The following LDLRAD4 variants were observed in gnomAD, a reference collection of about 807,000 sequenced individuals.
The protein encoded by LDLRAD4 is low-density lipoprotein receptor class A domain-containing protein 4.
A neutral mutation model predicts 17.0 loss-of-function variants in LDLRAD4; 5 were observed. The observed-to-expected ratio is 0.29, with a 90% CI of 0.15 to 0.62. The LOEUF is 0.62. Ranked by LOEUF, LDLRAD4 falls within the 20% of genes least tolerant of loss-of-function variation. The pLI is 0.84. For missense variants in LDLRAD4, 340 were observed against 424.7 expected (o/e 0.80, Z 1.75); for synonymous variants, 168 against 171.8 (o/e 0.98, Z 0.17).
intron 1 of LDLRAD4, among the ~76,000 whole-genome samples, chr18:13,242,599 A>G (rs1040014738): frequency 9.9e-5 from 15 of 152,170 alleles, no homozygotes; most frequent in African/African-American, 3.6e-4. Flanking sequence ...ACTAAATGCA[A>G]ATGTGGTATT....
At chr18:13,571,683 C>G (rs1041001258) in intron 3 of LDLRAD4, among the ~76,000 whole-genome samples, 1 of 152,206 alleles carries the variant, frequency 6.6e-6, no homozygotes, top group Non-Finnish European at 1.5e-5. Context: ...GTTGCCCAGG[C>G]TGGAGTGCAG....
intron 4 of LDLRAD4, among the ~76,000 whole-genome samples, chr18:13,632,195 T>G (rs888294254): frequency 2.0e-5 from 3 of 152,190 alleles, no homozygotes; most frequent in African/African-American, 7.2e-5. Context: ...GTCAGAAACC[T>G]TTGTGGCTGG....
At chr18:13,277,583 C>T (rs1243281414), upstream of LDLRAD4, among the ~76,000 whole-genome samples, 1 of 152,238 alleles carries the variant, frequency 6.6e-6, no homozygotes, top group Non-Finnish European at 1.5e-5. Context: ...ACGTTACCAT[C>T]CCAGCAGTGT....
intron 3 of LDLRAD4, among the ~76,000 whole-genome samples, chr18:13,510,977 A>C: frequency 6.6e-6 from 1 of 152,176 alleles, no homozygotes; most frequent in Non-Finnish European, 1.5e-5. Flanking sequence ...AAAAAAATGG[A>C]ATTAAATTCA....
chr18:13,268,272 C>T (rs138335157), intron 1 of LDLRAD4, among the ~76,000 whole-genome samples: 1 of 152,210 alleles, frequency 6.6e-6, no homozygotes, highest in South Asian at 2.1e-4. Context: ...CCCTCCTCCC[C>T]CCTCGGCTTG....
At chr18:13,493,907 C>A (rs2147143960) in intron 3 of LDLRAD4, among the ~76,000 whole-genome samples, 1 of 152,368 alleles carries the variant, frequency 6.6e-6, no homozygotes, top group African/African-American at 2.4e-5. Context: ...GTGTGCGGGG[C>A]CACCCAGGGG....
intron 3 of LDLRAD4, among the ~76,000 whole-genome samples, chr18:13,596,098 A>G (rs1290697799): frequency 6.6e-6 from 1 of 152,158 alleles, no homozygotes; most frequent in Non-Finnish European, 1.5e-5. Context: ...TTCTGATGGA[A>G]TGAACTCTTT....
chr18:13,463,536 C>A (rs2092511766), intron 3 of LDLRAD4, among the ~76,000 whole-genome samples: 1 of 152,216 alleles, frequency 6.6e-6, no homozygotes, highest in South Asian at 2.1e-4. Context: ...CCCAAATTGT[C>A]ATTTTTTTGA....
chr18:13,500,080 G>A (rs573305091), intron 3 of LDLRAD4, among the ~76,000 whole-genome samples: 1 of 152,260 alleles, frequency 6.6e-6, no homozygotes, highest in East Asian at 1.9e-4. Flanking sequence ...GGGAAATGTT[G>A]GGAATAATCT....
intron 2 of LDLRAD4, among the ~76,000 whole-genome samples, chr18:13,430,399 T>C (rs908452727): frequency 2.0e-5 from 3 of 152,194 alleles, no homozygotes; most frequent in African/African-American, 7.2e-5. Flanking sequence ...CTCGGCACAG[T>C]TGACTTTCCA....
chr18:13,345,083 T>TGC (rs2082603921), intron 1 of LDLRAD4, among the ~76,000 whole-genome samples: 1 of 152,202 alleles, frequency 6.6e-6, no homozygotes, highest in Non-Finnish European at 1.5e-5. Context: ...TTCTTTCTCC[T>TGC]GCCTGATTGC....
intron 1 of LDLRAD4, among the ~76,000 whole-genome samples, chr18:13,272,589 G>T (rs1052549892): frequency 6.6e-6 from 1 of 152,234 alleles, no homozygotes; most frequent in African/African-American, 2.4e-5. Context: ...ACCCCATGCC[G>T]CGTGCTCCGT....
At chr18:13,601,417 A>G (rs1217855052) in intron 3 of LDLRAD4, among the ~76,000 whole-genome samples, 1 of 152,172 alleles carries the variant, frequency 6.6e-6, no homozygotes, top group Non-Finnish European at 1.5e-5. Context: ...AATCAAAACC[A>G]CAGTGACCAC....
chr18:13,612,757 A>T, intron 3 of LDLRAD4: 20 of 1,613,870 alleles, frequency 1.2e-5, no homozygotes, highest in Non-Finnish European at 1.7e-5. Flanking sequence ...CAGTTCAAAG[A>T]CCTGTTCTTA....
chr18:13,223,402 G>T (rs1463775345), intron 1 of LDLRAD4, among the ~76,000 whole-genome samples: 1 of 152,214 alleles, frequency 6.6e-6, no homozygotes, highest in Non-Finnish European at 1.5e-5. Flanking sequence ...TGCCTCTGGG[G>T]TTTGCAGAAT....
At chr18:13,500,553 T>G (rs1286832559) in intron 3 of LDLRAD4, 1 of 152,242 alleles carries the variant, frequency 6.6e-6, no homozygotes, top group East Asian at 1.9e-4. Flanking sequence ...CATGGCAGTG[T>G]GTGACTGTCC....
At chr18:13,541,023 C>T (rs1468325732) in intron 3 of LDLRAD4, among the ~76,000 whole-genome samples, 1 of 152,156 alleles carries the variant, frequency 6.6e-6, no homozygotes, top group African/African-American at 2.4e-5. Context: ...GTTGAGGCCC[C>T]TGGGGGCTGC....
At chr18:13,569,809 C>T (rs1164157922) in intron 3 of LDLRAD4, among the ~76,000 whole-genome samples, 6 of 152,158 alleles carry the variant, frequency 3.9e-5, no homozygotes, top group East Asian at 1.9e-4. Context: ...CGCTTGAACC[C>T]GGAAGGCAGA....
rs1189336903 is a variant in LDLRAD4 at position 13,367,409 on chromosome 18, C to A, written c.-382-19932C>A. On this transcript the variant is annotated intron_variant, in intron 1 of 5. Coordinates refer to ENST00000359446, the Ensembl canonical transcript of LDLRAD4. This position sits in a 1 kb window ranked among gnomAD's most constrained non-coding sequence, Gnocchi z 4.1. Reference sequence around the variant, plus strand: ...GGCAGGAAAGGGGGCGAGGGGGTCTCAGGCATTGAACTGCGTGGGGCACTC... The same window carrying A: ...GGCAGGAAAGGGGGCGAGGGGGTCTAAGGCATTGAACTGCGTGGGGCACTC... Among the ~76,000 whole-genome samples the A allele has an allele frequency of 6.6e-6, 1 of 152,080 alleles. No homozygotes were observed. Among genetic ancestry groups the A allele is most frequent in the Non-Finnish European group, 1.5e-5 (1 of 68,024 alleles).
Sources: allele counts gnomAD v4.1 joint callset (sites outside exome capture counted in the v4.1 genomes callset), GRCh38; gene constraint gnomAD v4.1.1; non-coding constraint Gnocchi (gnomAD v3.1); transcripts MANE v1.5; gene names NCBI Gene and HGNC (gene_info 2026-07-23, HGNC 2026-07-21).